Variants in CPNE4 observed in about 807,000 individuals in gnomAD.
CPNE4 encodes the protein copine 4.
Under a neutral mutation model 67.9 loss-of-function variants are expected in CPNE4, and 25 were observed. The ratio of observed to expected loss-of-function variants is 0.37; its 90% confidence interval spans 0.27 to 0.51. The LOEUF (loss-of-function observed/expected upper bound fraction) is 0.51. Among genes scored for constraint, CPNE4 ranks in the 20% least tolerant of loss-of-function variants. The probability of loss-of-function intolerance (pLI) is 0.93; values close to 1 mark genes in which losing one functional copy is unlikely to be tolerated. For missense variants in CPNE4, 464 were observed against 690.8 expected (o/e 0.67, Z 3.68); for synonymous variants, 242 against 244.9 (o/e 0.99, Z 0.11).
chr3:131,696,681 C>A lies in CPNE4; in HGVS notation c.433-65G>T, dbSNP rs1362105319. ...ACTCCTTAGCTCCAGAACCCATGAGCAAATTTAGTTCCTGTTTGGTTCAAA... is the reference window on the plus strand; with the variant it reads ...ACTCCTTAGCTCCAGAACCCATGAGAAAATTTAGTTCCTGTTTGGTTCAAA... On this transcript the variant is annotated intron_variant, in intron 4 of 15. Transcript: ENST00000429747. 8.4e-6 allele frequency: 12 copies of A among 1,431,340 alleles called. No homozygotes were observed. In the African/African-American group the frequency reaches 1.1e-4, roughly 13 times the overall value. The allele number at this position is 1,431,340 out of a possible 1,614,324, so 88.7% of individuals were successfully genotyped here.
At position 131,730,745 on chromosome 3, in the gene CPNE4, A is replaced by T. The variant is rs184227599; in HGVS notation, c.181-7120T>A. Reference sequence around the variant, plus strand: ...CAGCACAAGCCAAGAAATGCCAAAGATTTCCAGCAAAACTACCAAAAGCCA... The same window carrying T: ...CAGCACAAGCCAAGAAATGCCAAAGTTTTCCAGCAAAACTACCAAAAGCCA... On this transcript the variant is annotated intron_variant, in intron 2 of 15. Coordinates refer to ENST00000429747, the MANE Select transcript of CPNE4 (RefSeq NM_130808.3). Among the ~76,000 whole-genome samples, 48 of 152,286 alleles carry T rather than the reference A, an allele frequency of 3.2e-4. No individual in the cohort carries two copies. The Middle Eastern group carries it at 0.014, about 43-fold the overall frequency.
intron 13 of CPNE4, 121 bp from the exon 14 acceptor site, chr3:131,550,201 GTTC>G (rs1936094870): frequency 2.0e-6 from 2 of 996,494 alleles, no homozygotes; most frequent in East Asian, 2.5e-5. Flanking sequence ...TCATGTTTAT[GTTC>G]TTAAGATAAA....
At chr3:131,903,324 C>T (rs1288614840) in intron 2 of CPNE4, among the ~76,000 whole-genome samples, 3 of 151,954 alleles carry the variant, frequency 2.0e-5, no homozygotes, top group East Asian at 1.9e-4. Context: ...TCTGCTACAT[C>T]CTCTTCTCCT....
intron 7 of CPNE4, among the ~76,000 whole-genome samples, chr3:131,649,912 C>T (rs2079765804): frequency 6.6e-6 from 1 of 152,188 alleles, no homozygotes; most frequent in Admixed American, 6.5e-5. Flanking sequence ...CTTAGTATCT[C>T]ACAAGGCTGA....
chr3:131,587,671 A>T lies in CPNE4; in HGVS notation c.682-89T>A, dbSNP rs1354418499. On this transcript the variant is annotated intron_variant, in intron 7 of 15. Coordinates refer to ENST00000429747, the MANE Select transcript of CPNE4 (RefSeq NM_130808.3). ...ATGTTAACTTTAGGAGAAAGAGTAGATGAAAGATGTTTGGTCTGGAACCAA... is the reference window on the plus strand; with the variant it reads ...ATGTTAACTTTAGGAGAAAGAGTAGTTGAAAGATGTTTGGTCTGGAACCAA... 6 of 927,542 alleles carry T rather than the reference A, an allele frequency of 6.5e-6. No individual in the cohort carries two copies. The Admixed American group carries it at 1.0e-4, about 16-fold the overall frequency. The allele number at this position is 927,542 out of a possible 1,614,324, so 57.5% of individuals were successfully genotyped here.
intron 7 of CPNE4, among the ~76,000 whole-genome samples, chr3:131,615,215 C>T (rs558368183): frequency 6.0e-4 from 91 of 152,010 alleles, no homozygotes; most frequent in Admixed American, 2.0e-4. Flanking sequence ...CACTGTTTAC[C>T]AAGACATGGA....
intron 2 of CPNE4, among the ~76,000 whole-genome samples, chr3:131,759,060 C>A (rs1286655706): frequency 2.6e-5 from 4 of 152,080 alleles, no homozygotes; most frequent in Non-Finnish European, 4.4e-5. Context: ...GTTAGGATAC[C>A]AATGGGAATC....
intron 2 of CPNE4, among the ~76,000 whole-genome samples, chr3:131,850,578 A>G (rs761006288): frequency 2.0e-5 from 3 of 152,142 alleles, no homozygotes; most frequent in Non-Finnish European, 2.9e-5. Flanking sequence ...TATTACAGCT[A>G]TGTGGAAGAA....
chr3:132,007,941 T>C (rs1041725880), intron 1 of CPNE4, among the ~76,000 whole-genome samples: 12 of 152,138 alleles, frequency 7.9e-5, no homozygotes, highest in Non-Finnish European at 1.8e-4. Context: ...TAGCTCCAAT[T>C]TGAATGGCAC....
At chr3:131,655,411 A>C (rs1358645136) in intron 7 of CPNE4, among the ~76,000 whole-genome samples, 3 of 152,188 alleles carry the variant, frequency 2.0e-5, no homozygotes, top group Non-Finnish European at 4.4e-5. Flanking sequence ...TTCAAGAGTC[A>C]GTTTGATTAT....
intron 11 of CPNE4, among the ~76,000 whole-genome samples, chr3:131,558,169 G>T (rs1283206543): frequency 6.6e-6 from 1 of 151,924 alleles, no homozygotes; most frequent in Non-Finnish European, 1.5e-5. Flanking sequence ...TAATGAGCCA[G>T]GAGGGATAAA....
intron 1 of CPNE4, among the ~76,000 whole-genome samples, chr3:132,013,848 G>A (rs1385905814): frequency 6.6e-6 from 1 of 152,180 alleles, no homozygotes; most frequent in Non-Finnish European, 1.5e-5. Flanking sequence ...TGCAGCTAGA[G>A]GTGGTGGATC....
chr3:131,943,301 C>A (rs1449925288), intron 1 of CPNE4, among the ~76,000 whole-genome samples: 3 of 152,070 alleles, frequency 2.0e-5, no homozygotes, highest in African/African-American at 4.8e-5. Flanking sequence ...TCTGTTCAAG[C>A]TTTACTGCAA....
chr3:131,786,023 T>C (rs967383505), intron 2 of CPNE4, among the ~76,000 whole-genome samples: 3 of 152,162 alleles, frequency 2.0e-5, no homozygotes, highest in African/African-American at 7.2e-5. Context: ...TCCATATCTA[T>C]GGAGGGGCTT....
chr3:131,987,469 C>G (rs1374132499), intron 1 of CPNE4, among the ~76,000 whole-genome samples: 1 of 151,532 alleles, frequency 6.6e-6, no homozygotes, highest in Non-Finnish European at 1.5e-5. Flanking sequence ...TCACTGTAAC[C>G]TCCGTCTCCC....
At chr3:131,666,513 C>T (rs926826606) in intron 7 of CPNE4, among the ~76,000 whole-genome samples, 9 of 151,930 alleles carry the variant, frequency 5.9e-5, no homozygotes, top group African/African-American at 7.3e-5. Flanking sequence ...CAAGCAAGGA[C>T]GTTACTAAGT....
At chr3:131,850,858 T>C (rs1022528767) in intron 2 of CPNE4, among the ~76,000 whole-genome samples, 5 of 152,016 alleles carry the variant, frequency 3.3e-5, no homozygotes, top group African/African-American at 1.2e-4. Flanking sequence ...AGTAACAGAG[T>C]GGGAATTCAA....
intron 2 of CPNE4, among the ~76,000 whole-genome samples, chr3:131,885,246 A>C (rs2087833347): frequency 6.6e-6 from 1 of 152,148 alleles, no homozygotes. Context: ...TTTTAGCAAA[A>C]AGACTGGTGG....
intron 7 of CPNE4, among the ~76,000 whole-genome samples, chr3:131,627,314 G>A (rs1039785249): frequency 6.6e-6 from 1 of 152,102 alleles, no homozygotes; most frequent in African/African-American, 2.4e-5. Flanking sequence ...TGTTTATAGC[G>A]TGGCTTTCTG....
Sources: gnomAD v4.1 joint callset for allele counts (sites outside exome capture counted in the v4.1 genomes callset) on GRCh38, gnomAD v4.1.1 for gene constraint, MANE v1.5 for transcripts, NCBI Gene and HGNC (gene_info 2026-07-23, HGNC 2026-07-21) for gene names.